RANBP2: variants seen among roughly 807,000 people sequenced by gnomAD.
The protein encoded by RANBP2 is RAN binding protein 2, also known as E3 SUMO-protein ligase RanBP2.
Under a neutral mutation model 303.6 loss-of-function variants are expected in RANBP2, and 57 were observed. The observed-to-expected ratio is 0.19, with a 90% CI of 0.15 to 0.23. RANBP2 has a LOEUF of 0.23. RANBP2 is among the 10% of genes least tolerant of loss of function. The pLI is 1.00. For synonymous variants in RANBP2, 1,167 were observed against 1,301.5 expected, an observed-to-expected ratio of 0.90 and a Z score of 2.23; for missense variants, 3,138 against 3,780.8, an observed-to-expected ratio of 0.83 and a Z score of 4.46.
rs1158173562 is a variant in RANBP2 at position 108,763,875 on chromosome 2, A to T, written c.3336A>T (p.Thr1112=). The T allele has an allele frequency of 7.4e-6, 12 of 1,613,912 alleles. No homozygotes were observed. Among genetic ancestry groups the T allele is most frequent in the African/African-American group, 1.3e-5 (1 of 74,930 alleles). The change falls in exon 20 of 29, where the codon ACA becomes ACT. Residue 1112 remains threonine, a synonymous_variant. Coordinates refer to ENST00000283195, the MANE Select transcript of RANBP2 (RefSeq NM_006267.5). ...AAAATGTGTCTGGAATTTCATTTAC[A>T]GAAAACATGGGGTCGAGTCAGCAAA... ...GSKNVSGISF[T]ENMGSSQQKN...
the RANBP2 span, among the ~76,000 whole-genome samples, chr2:109,422,842 G>A: frequency 2.0e-5 from 3 of 152,164 alleles, no homozygotes; most frequent in African/African-American, 4.8e-5. Context: ...AGGACCGGAG[G>A]AGGCAGGGAG....
At chr2:109,690,311 C>T in the RANBP2 span, among the ~76,000 whole-genome samples, 4 of 152,116 alleles carry the variant, frequency 2.6e-5, no homozygotes, top group Non-Finnish European at 4.4e-5. Context: ...GAAGCAAAGG[C>T]GGGACAACTC....
chr2:108,758,366 A>T (rs780217524), intron 17 of RANBP2, 47 bp from the exon 18 acceptor site: 10 of 1,609,572 alleles, frequency 6.2e-6, no homozygotes, highest in South Asian at 1.1e-5. Flanking sequence ...TTCTGTCATG[A>T]TATAATTAAA....
At chr2:109,381,034 G>A in the RANBP2 span, among the ~76,000 whole-genome samples, 1 of 152,248 alleles carries the variant, frequency 6.6e-6, no homozygotes, top group African/African-American at 2.4e-5. Context: ...CAGTAGTTGT[G>A]AAATTGTGTG....
the RANBP2 span, among the ~76,000 whole-genome samples, chr2:108,916,235 T>A: frequency 1.3e-5 from 2 of 152,198 alleles, no homozygotes; most frequent in African/African-American, 4.8e-5. Flanking sequence ...GAGCTTAAGA[T>A]ACACTGTCAG....
chr2:109,485,670 C>A, the RANBP2 span, among the ~76,000 whole-genome samples: 1 of 152,362 alleles, frequency 6.6e-6, no homozygotes, highest in East Asian at 1.9e-4. Context: ...CTAGATGATT[C>A]TTTAAAGTGG....
At chr2:109,096,674 T>C in the RANBP2 span, among the ~76,000 whole-genome samples, 1 of 152,186 alleles carries the variant, frequency 6.6e-6, no homozygotes, top group Non-Finnish European at 1.5e-5. Context: ...GTTAAATGAA[T>C]GGACTGAACT....
At chr2:108,829,764 T>C in the RANBP2 span, among the ~76,000 whole-genome samples, 1 of 152,116 alleles carries the variant, frequency 6.6e-6, no homozygotes. Flanking sequence ...TATGTACATA[T>C]ATACATACGT....
downstream of RANBP2, chr2:108,786,963 G>A (rs1167531170): frequency 6.7e-6 from 9 of 1,333,336 alleles, no homozygotes; most frequent in Admixed American, 3.1e-5. Flanking sequence ...CTGCTGGGGG[G>A]CGGCCCGCTC....
chr2:109,730,653 T>G, the RANBP2 span, among the ~76,000 whole-genome samples: 1 of 152,170 alleles, frequency 6.6e-6, no homozygotes, highest in Non-Finnish European at 1.5e-5. Flanking sequence ...GCTAGAAGTC[T>G]GAGATCAAGA....
At chr2:109,614,930 C>T in the RANBP2 span, 3 of 1,506,476 alleles carry the variant, frequency 2.0e-6, no homozygotes, top group East Asian at 7.6e-5. Flanking sequence ...ACTGGCCGCC[C>T]CTGAGCGCCG....
At chr2:108,874,374 G>A in the RANBP2 span, among the ~76,000 whole-genome samples, 1 of 152,048 alleles carries the variant, frequency 6.6e-6, no homozygotes, top group Non-Finnish European at 1.5e-5. Flanking sequence ...TCAGAAACTT[G>A]TATAACCAGT....
At chr2:109,490,166 C>T in the RANBP2 span, among the ~76,000 whole-genome samples, 3 of 152,232 alleles carry the variant, frequency 2.0e-5, no homozygotes, top group Non-Finnish European at 2.9e-5. Flanking sequence ...AACTGAGATG[C>T]CATCTGCTGG....
chr2:109,086,257 G>A, the RANBP2 span, among the ~76,000 whole-genome samples: 286 of 152,226 alleles, frequency 1.9e-3, 1 homozygote, highest in African/African-American at 6.4e-3. Flanking sequence ...ACCTGTTAGC[G>A]TCTGAGGTTG....
chr2:109,140,298 G>C, the RANBP2 span, among the ~76,000 whole-genome samples: 2 of 152,098 alleles, frequency 1.3e-5, no homozygotes, highest in Non-Finnish European at 2.9e-5. Flanking sequence ...CTCTTTTGCC[G>C]GTTCTTTGTG....
chr2:109,454,303 G>A, the RANBP2 span, among the ~76,000 whole-genome samples: 776 of 152,224 alleles, frequency 5.1e-3, 3 homozygotes, highest in Non-Finnish European at 8.7e-3. Flanking sequence ...TTCAGAAAGC[G>A]CCTCAGCTGG....
the RANBP2 span, among the ~76,000 whole-genome samples, chr2:109,132,339 TAAAA>T: frequency 6.6e-6 from 1 of 152,088 alleles, no homozygotes; most frequent in African/African-American, 2.4e-5. Flanking sequence ...CAGCTTTATT[TAAAA>T]AAAAGTTTTA....
At chr2:109,215,261 G>A in the RANBP2 span, among the ~76,000 whole-genome samples, 1 of 152,146 alleles carries the variant, frequency 6.6e-6, no homozygotes, top group Non-Finnish European at 1.5e-5. Context: ...TGGAGGGTAG[G>A]GGAGAAGGCC....
At chr2:109,594,149 G>A in the RANBP2 span, among the ~76,000 whole-genome samples, 6,902 of 152,190 alleles carry the variant, frequency 0.045, 482 homozygotes, top group African/African-American at 0.15. Flanking sequence ...TAGAGAATGA[G>A]GGAAGAGAGG....
Sources: gnomAD v4.1 joint callset for allele counts (sites outside exome capture counted in the v4.1 genomes callset) on GRCh38, gnomAD v4.1.1 for gene constraint, MANE v1.5 for transcripts, NCBI Gene and HGNC (gene_info 2026-07-23, HGNC 2026-07-21) for gene names.